Variants in CFAP74 observed in about 807,000 individuals in gnomAD.
The protein encoded by CFAP74 is cilia and flagella associated protein 74.
CFAP74 carries 124 observed loss-of-function variants against 188.9 expected under a neutral mutation model. The observed-to-expected ratio is 0.66, with a 90% CI of 0.57 to 0.76. CFAP74 has a LOEUF of 0.76. Among genes scored for constraint, CFAP74 ranks in the 30% least tolerant of loss-of-function variants. The probability of loss-of-function intolerance (pLI) is 0.00; values close to 1 mark genes in which losing one functional copy is unlikely to be tolerated. For missense variants in CFAP74, 2,198 were observed against 2,165.2 expected (o/e 1.02, Z -0.30); for synonymous variants, 956 against 916.7 (o/e 1.04, Z -0.77).
Position 1,934,873 on chromosome 1 carries a change from G to GGGTGTTAGGTTGTAGGTACGTGTGTA in CFAP74, c.3011+3981_3011+3982insTACACACGTACCTACAACCTAACACC, listed in dbSNP as rs1553218943. 3.8e-4 allele frequency among the ~76,000 whole-genome samples: 16 copies of GGGTGTTAGGTTGTAGGTACGTGTGTA among 42,076 alleles called. 1 individual carries two copies. Among genetic ancestry groups the GGGTGTTAGGTTGTAGGTACGTGTGTA allele is most frequent in the Admixed American group, 5.8e-4 (2 of 3,446 alleles). 27.6% of individuals were successfully genotyped at this position (42,076 alleles called of 152,430 possible). A position where few individuals can be genotyped will look rare whatever the true frequency, so the allele number is the denominator to read the frequency against. On this transcript the variant is annotated intron_variant, in intron 25 of 38. Coordinates refer to ENST00000682832, the MANE Select transcript of CFAP74 (RefSeq NM_001304360.2). Reference sequence around the variant, plus strand: ...TTAGGTTGTAGGTACACACGTGTGTGCGTGGGTGTTAGGTTGTAGGTACAC... The same window carrying GGGTGTTAGGTTGTAGGTACGTGTGTA: ...TTAGGTTGTAGGTACACACGTGTGTGGGTGTTAGGTTGTAGGTACGTGTGTACGTGGGTGTTAGGTTGTAGGTACAC...
rs919020877 is a variant in CFAP74 at position 1,951,869 on chromosome 1, G to A, written c.2176+3822C>T. Among the ~76,000 whole-genome samples, 17 of 148,060 alleles carry A rather than the reference G, an allele frequency of 1.1e-4. No homozygotes were observed. The East Asian group carries it at 3.5e-3, about 30-fold the overall frequency. ...GTGGATCACTTGAGGTCAGGAGTTT[G>A]AGGCCAGCCTGTGTGATGCAAACCG... On this transcript the variant is annotated intron_variant, in intron 18 of 38. Coordinates refer to ENST00000682832, the MANE Select transcript of CFAP74 (RefSeq NM_001304360.2).
chr1:1,971,478 C>T (rs1283891155), intron 9 of CFAP74, among the ~76,000 whole-genome samples: 1 of 152,284 alleles, frequency 6.6e-6, no homozygotes, highest in Non-Finnish European at 1.5e-5. Context: ...GAACAGATGT[C>T]CTTAAACCAA....
chr1:1,974,229 G>A (rs201167784), intron 6 of CFAP74, 31 bp from the exon 7 acceptor site: 159 of 1,555,162 alleles, frequency 1.0e-4, no homozygotes, highest in South Asian at 1.6e-4. Context: ...AGCTGGAGAC[G>A]GGCCCCACAG....
chr1:1,970,528 C>T (rs747269234), intron 10 of CFAP74, 131 bp downstream of exon 10: 2 of 1,050,896 alleles, frequency 1.9e-6, no homozygotes, highest in Non-Finnish European at 1.3e-6. Context: ...TCCCGTGCCC[C>T]ACAGCCGCCT....
intron 14 of CFAP74, among the ~76,000 whole-genome samples, chr1:1,960,705 C>A (rs1304330059): frequency 6.6e-6 from 1 of 152,232 alleles, no homozygotes; most frequent in Non-Finnish European, 1.5e-5. Flanking sequence ...TGGCAACATT[C>A]CCACGGCACC....
At chr1:1,954,971 A>C (rs1654451345) in intron 18 of CFAP74, 3 of 1,179,004 alleles carry the variant, frequency 2.5e-6, no homozygotes, top group Non-Finnish European at 2.1e-6. Flanking sequence ...ACGGATCTAG[A>C]ACCCGAGGCT....
intron 11 of CFAP74, among the ~76,000 whole-genome samples, chr1:1,967,980 A>AAGAATGAG (rs140319010): frequency 0.21 from 31,640 of 151,536 alleles, 3,535 homozygotes; most frequent in Non-Finnish European, 0.24. Context: ...TGAATGAGTA[A>AAGAATGAG]AGAATGAATG....
chr1:1,964,963 G>A lies in CFAP74; in HGVS notation c.1500C>T (p.Val500=). The A allele has an allele frequency of 6.2e-7, 1 of 1,613,968 alleles. No individual in the cohort carries two copies. The highest frequency in any genetic ancestry group is 1.3e-5 in the African/African-American group (1 of 75,060). The change falls in exon 13 of 39, where the codon GTC becomes GTT. Residue 500 remains valine, a synonymous_variant. Coordinates refer to ENST00000682832, the MANE Select transcript of CFAP74 (RefSeq NM_001304360.2). ...RTVERLRSRV[V]HKQVVWGREF... is the part of the protein sequence containing the mutation. Reference sequence around the variant, plus strand: ...CACGCCCCCACACCACCTGCTTGTGGACCACCCTGCTCCGCAGCCGCTCCA... The same window carrying A: ...CACGCCCCCACACCACCTGCTTGTGAACCACCCTGCTCCGCAGCCGCTCCA...
At chr1:1,925,692 C>T (rs557273875) in intron 33 of CFAP74, 91 bp downstream of exon 33, 92 of 1,432,128 alleles carry the variant, frequency 6.4e-5, no homozygotes, top group Middle Eastern at 2.0e-4. Flanking sequence ...CTCCGACCCA[C>T]GGGTCACTTT....
chr1:1,991,763 GGC>G (rs1415107300), intron 1 of CFAP74, among the ~76,000 whole-genome samples: 2 of 152,126 alleles, frequency 1.3e-5, no homozygotes, highest in Admixed American at 6.5e-5. Context: ...AGATTGGCTG[GGC>G]GTGGTGGCTC....
intron 1 of CFAP74, among the ~76,000 whole-genome samples, chr1:1,991,850 T>A (rs529138263): frequency 1.3e-5 from 2 of 151,760 alleles, no homozygotes; most frequent in Non-Finnish European, 2.9e-5. Context: ...CTATCCTGGC[T>A]AGCACAGTGA....
Position 1,939,781 on chromosome 1 carries a change from G to T in CFAP74, c.2704-14C>A. On this transcript the variant is annotated splice_polypyrimidine_tract_variant and intron_variant, in intron 23 of 38. Transcript: ENST00000682832. ...CACTGGCTTGTTCTGAGACATAAAG[G>T]GCACAGGCGCCCTCGCAGCCACTCG... 1 of 1,528,450 alleles carries T rather than the reference G, an allele frequency of 6.5e-7. No individual in the cohort carries two copies. The highest frequency in any genetic ancestry group is 8.8e-7 in the Non-Finnish European group (1 of 1,140,432). The allele number at this position is 1,528,450 out of a possible 1,614,324, so 94.7% of individuals were successfully genotyped here. A position where few individuals can be genotyped will look rare whatever the true frequency, so the allele number is the denominator to read the frequency against.
At position 1,938,878 on chromosome 1, in the gene CFAP74, C is replaced by T. The variant is rs1653145718; in HGVS notation, c.2988G>A (p.Leu996=). 2.0e-6 allele frequency: 3 copies of T among 1,536,058 alleles called. No individual in the cohort carries two copies. In the African/African-American group the frequency reaches 4.1e-5, roughly 21 times the overall value. Residue 996 remains leucine (L), a synonymous_variant, in exon 25 of 39, where the codon CTG becomes CTA. Coordinates refer to ENST00000682832, the MANE Select transcript of CFAP74 (RefSeq NM_001304360.2). ...PTKAEEHRFQ[L]TCKSEINRCF... is the part of the protein sequence containing the mutation. ...ACCGGTTGATCTCAGACTTGCAGGT[C>T]AGTTGGAATCTGTGTTCCTCGGCCT...
chr1:1,997,129 GAAAT>G (rs1657958305), intron 1 of CFAP74, among the ~76,000 whole-genome samples: 1 of 151,882 alleles, frequency 6.6e-6, no homozygotes, highest in South Asian at 2.1e-4. Flanking sequence ...AGATGTAAAA[GAAAT>G]AAAAGGCGGC....
chr1:1,929,705 G>A (rs1161552707), intron 26 of CFAP74, among the ~76,000 whole-genome samples: 1 of 151,852 alleles, frequency 6.6e-6, no homozygotes, highest in Non-Finnish European at 1.5e-5. Flanking sequence ...TGTCCTCCCA[G>A]TCGGCCTGCG....
rs558343830 is a variant in CFAP74, at chr1:1,970,831, G to A, written c.889-15C>T. The A allele has an allele frequency of 6.8e-6, 11 of 1,613,332 alleles. No homozygotes were observed. Among genetic ancestry groups the A allele is most frequent in the Non-Finnish European group, 9.3e-6 (11 of 1,179,540 alleles). The stretch of plus-strand genomic sequence containing the variant: ...CGCAGTGTGTCCTTGGAAACAGAGA[G>A]CACTGAGATGACAGCAGCAGCACCC... On this transcript the variant is annotated splice_polypyrimidine_tract_variant and intron_variant, in intron 9 of 38. Coordinates refer to ENST00000682832, the MANE Select transcript of CFAP74 (RefSeq NM_001304360.2).
At chr1:1,982,252 ACGCGGGGACACGCAGGACACCCAGC>A (rs1558056380) in intron 6 of CFAP74, among the ~76,000 whole-genome samples, 9 of 141,604 alleles carry the variant, frequency 6.4e-5, no homozygotes, top group African/African-American at 1.0e-4. Flanking sequence ...CCGTGGTCAC[ACGCGGGGACACGCAGGACACCCAGC>A]CGTGGTCACA....
In CFAP74 at chr1:1,970,759, T is replaced by C; in HGVS notation, c.946A>G (p.Arg316Gly). 1 of 1,614,160 alleles carries C rather than the reference T, an allele frequency of 6.2e-7. No homozygotes were observed. Among genetic ancestry groups the C allele is most frequent in the Non-Finnish European group, 8.5e-7 (1 of 1,180,006 alleles). ...DRAKAELAEQ[R>G]VQAEKKAILA... ...ATCGCCTTCTTCTCAGCCTGGACCCTCTGCTCCGCCAGCTCTGCCTTGGCA... is the reference window on the plus strand; with the variant it reads ...ATCGCCTTCTTCTCAGCCTGGACCCCCTGCTCCGCCAGCTCTGCCTTGGCA... The change falls in exon 10 of 39, where the codon AGG becomes GGG. Residue 316 changes from arginine to glycine, a missense_variant. By Grantham distance (125) the Arg-to-Gly change is moderately radical. Coordinates refer to ENST00000682832, the MANE Select transcript of CFAP74 (RefSeq NM_001304360.2).
Position 1,939,598 on chromosome 1 carries a change from G to A in CFAP74, c.2873C>T (p.Pro958Leu), listed in dbSNP as rs1178143709. The A allele has an allele frequency of 2.0e-6, 3 of 1,535,510 alleles. No individual in the cohort carries two copies. In the South Asian group the frequency reaches 3.6e-5, roughly 18 times the overall value. Residue 958 changes from proline to leucine, a missense_variant, in exon 24 of 39, where the codon CCC (proline) becomes CTC (leucine). Coordinates refer to ENST00000682832, the MANE Select transcript of CFAP74 (RefSeq NM_001304360.2). ...AGGCCTGGCTGCAGGAGGTACCTTG[G>A]GAAGCCTGACGAACCCGAACTCCTG... ...LPQEFGFVRLPKFVDVQPNDG... is the reference protein window; with the variant it reads ...LPQEFGFVRLLKFVDVQPNDG...
Sources: allele counts gnomAD v4.1 joint callset (sites outside exome capture counted in the v4.1 genomes callset), GRCh38; gene constraint gnomAD v4.1.1; transcripts MANE v1.5; gene names NCBI Gene and HGNC (gene_info 2026-07-23, HGNC 2026-07-21).